The following GRIN2A variants were observed in gnomAD, a reference collection of about 807,000 sequenced individuals.
GRIN2A encodes glutamate receptor ionotropic, NMDA 2A.
In GRIN2A, 22 loss-of-function variants were observed where a neutral mutation model predicts 113.4. The ratio of observed to expected loss-of-function variants is 0.19; its 90% CI spans 0.14 to 0.28. The LOEUF (loss-of-function observed/expected upper bound fraction) is 0.28. Among genes scored for constraint, GRIN2A ranks in the 10% least tolerant of loss-of-function variants. GRIN2A has a pLI of 1.00. For missense variants in GRIN2A, 1,502 were observed against 1,887.0 expected (o/e 0.80, Z 3.78); for synonymous variants, 827 against 738.4 (o/e 1.12, Z -1.94).
intron 11 of GRIN2A, among the ~76,000 whole-genome samples, chr16:9,770,072 C>T (rs1006543718): frequency 7.9e-5 from 12 of 152,090 alleles, no homozygotes; most frequent in African/African-American, 2.9e-4. Flanking sequence ...TTATTCTGTC[C>T]CTCTTTTATG....
chr16:9,995,729 T>A (rs1035313800), intron 2 of GRIN2A, among the ~76,000 whole-genome samples: 2 of 152,158 alleles, frequency 1.3e-5, no homozygotes, highest in African/African-American at 2.4e-5. Context: ...AAAGCCCTCA[T>A]CCCCTTTCCT....
chr16:10,103,235 C>G (rs897885733), intron 2 of GRIN2A, among the ~76,000 whole-genome samples: 6 of 152,134 alleles, frequency 3.9e-5, no homozygotes, highest in Non-Finnish European at 8.8e-5. Context: ...CATGAGAAAG[C>G]TGAAACCCAA....
chr16:9,787,293 C>T (rs1209871906), intron 11 of GRIN2A, among the ~76,000 whole-genome samples: 1 of 152,210 alleles, frequency 6.6e-6, no homozygotes, highest in African/African-American at 2.4e-5. Flanking sequence ...TCTCTTAACC[C>T]AGAAAGTCCT....
intron 2 of GRIN2A, among the ~76,000 whole-genome samples, chr16:10,011,446 T>C (rs558812417): frequency 6.6e-6 from 1 of 152,110 alleles, no homozygotes; most frequent in Non-Finnish European, 1.5e-5. Context: ...CCTTGGTGGG[T>C]CCATCAGTCT....
At chr16:10,139,015 A>C (rs2049264052) in intron 2 of GRIN2A, among the ~76,000 whole-genome samples, 1 of 152,200 alleles carries the variant, frequency 6.6e-6, no homozygotes, top group Non-Finnish European at 1.5e-5. Flanking sequence ...AAAACTGAAA[A>C]AGAACAGAAC....
chr16:9,925,405 A>T lies in GRIN2A; in HGVS notation c.1007+12554T>A, dbSNP rs143972995. ...TTCTTTGGCTTTAGGTAGTGTCCTC[A>T]CCCTTATGTTGAGCAGTATTCAGCT... On this transcript the variant is annotated intron_variant, in intron 3 of 12. Transcript: ENST00000330684. 3.8e-3 allele frequency among the ~76,000 whole-genome samples: 580 copies of T among 152,244 alleles called. 1 individual carries two copies. Among genetic ancestry groups the T allele is most frequent in the African/African-American group, 0.013 (550 of 41,536 alleles).
At chr16:9,980,008 C>T (rs2045861172) in intron 2 of GRIN2A, among the ~76,000 whole-genome samples, 1 of 151,646 alleles carries the variant, frequency 6.6e-6, no homozygotes, top group African/African-American at 2.4e-5. Context: ...TCCTGTAATT[C>T]CAGCATTTTG....
chr16:9,876,968 C>G (rs1051768495), intron 4 of GRIN2A, among the ~76,000 whole-genome samples: 2 of 152,100 alleles, frequency 1.3e-5, no homozygotes, highest in African/African-American at 4.8e-5. Context: ...GTCATACCCC[C>G]AACTTCCACT....
intron 2 of GRIN2A, among the ~76,000 whole-genome samples, chr16:9,974,223 A>C: frequency 6.6e-6 from 1 of 152,198 alleles, no homozygotes; most frequent in Admixed American, 6.5e-5. Flanking sequence ...AAGAGAAGCG[A>C]AACTAAAGGC....
chr16:9,896,022 G>T (rs1291725011), intron 3 of GRIN2A, among the ~76,000 whole-genome samples: 1 of 151,910 alleles, frequency 6.6e-6, no homozygotes, highest in African/African-American at 2.4e-5. Flanking sequence ...CATTCACAAG[G>T]TTGCGTAACA....
At chr16:9,976,923 T>C (rs2045785001) in intron 2 of GRIN2A, among the ~76,000 whole-genome samples, 1 of 152,060 alleles carries the variant, frequency 6.6e-6, no homozygotes, top group African/African-American at 2.4e-5. Context: ...TACAAAATAG[T>C]TTTCTGCATG....
intron 2 of GRIN2A, among the ~76,000 whole-genome samples, chr16:10,103,792 ACTT>A (rs970258046): frequency 6.6e-6 from 1 of 152,170 alleles, no homozygotes. Flanking sequence ...TATGGGCTCT[ACTT>A]CTTCCCTTAG....
intron 10 of GRIN2A, among the ~76,000 whole-genome samples, chr16:9,804,174 C>T (rs1221229948): frequency 3.3e-5 from 5 of 152,110 alleles, no homozygotes; most frequent in East Asian, 3.9e-4. Context: ...CCACCTGAAA[C>T]GGAAGCCCGC....
At chr16:10,147,418 T>TCCCA (rs2142279166) in intron 2 of GRIN2A, among the ~76,000 whole-genome samples, 1 of 144,234 alleles carries the variant, frequency 6.9e-6, no homozygotes, top group African/African-American at 2.6e-5. Flanking sequence ...AGACCAGGCT[T>TCCCA]GGGCAACATG....
intron 4 of GRIN2A, among the ~76,000 whole-genome samples, chr16:9,882,506 G>C (rs920442270): frequency 2.0e-5 from 3 of 152,176 alleles, no homozygotes; most frequent in Non-Finnish European, 4.4e-5. Context: ...AATAGAAGGG[G>C]CCGGGTGCGG....
intron 2 of GRIN2A, among the ~76,000 whole-genome samples, chr16:10,110,849 G>A (rs761809218): frequency 1.1e-4 from 16 of 152,158 alleles, no homozygotes; most frequent in Non-Finnish European, 1.9e-4. Context: ...CCCCTGAATC[G>A]TCACTTGTCA....
chr16:9,786,798 T>C (rs1902257154), intron 11 of GRIN2A, among the ~76,000 whole-genome samples: 1 of 152,232 alleles, frequency 6.6e-6, no homozygotes, highest in South Asian at 2.1e-4. Context: ...CTCAGTTTCC[T>C]CATATGTAAA....
chr16:9,910,679 A>G (rs1354261604), intron 3 of GRIN2A, among the ~76,000 whole-genome samples: 1 of 151,890 alleles, frequency 6.6e-6, no homozygotes, highest in Non-Finnish European at 1.5e-5. Context: ...CTGGGACTAC[A>G]GGTGCCCACC....
intron 3 of GRIN2A, among the ~76,000 whole-genome samples, chr16:9,904,953 T>C (rs183241343): frequency 1.3e-5 from 2 of 152,322 alleles, no homozygotes; most frequent in Admixed American, 1.3e-4. Context: ...CACTGAGGTG[T>C]TTCCTTTGGC....
Sources: allele counts gnomAD v4.1 joint callset (sites outside exome capture counted in the v4.1 genomes callset), GRCh38; gene constraint gnomAD v4.1.1; transcripts MANE v1.5; gene names NCBI Gene and HGNC (gene_info 2026-07-23, HGNC 2026-07-21).